The following FBXL19 variants were observed in gnomAD, a reference collection of about 807,000 sequenced individuals.
The protein encoded by FBXL19 is F-box/LRR-repeat protein 19.
FBXL19 carries 16 observed loss-of-function variants against 71.2 expected under a neutral mutation model. That is an observed-to-expected ratio of 0.22 (90% CI 0.15 to 0.34). FBXL19 has a LOEUF of 0.34. Ranked by LOEUF, FBXL19 falls within the 10% of genes least tolerant of loss-of-function variation. The probability of loss-of-function intolerance (pLI) is 1.00; values close to 1 mark genes in which losing one functional copy is unlikely to be tolerated. For synonymous variants in FBXL19, 447 were observed against 409.4 expected, an observed-to-expected ratio of 1.09 and a Z score of -1.11; for missense variants, 658 against 968.2, an observed-to-expected ratio of 0.68 and a Z score of 4.25.
At chr16:30,944,169 C>CTTTTTTTTT (rs761103868) in intron 9 of FBXL19, among the ~76,000 whole-genome samples, 2 of 62,934 alleles carry the variant, frequency 3.2e-5, no homozygotes, top group African/African-American at 6.7e-5. Context: ...GAAGGTGGGC[C>CTTTTTTTTT]TTTTTTTTTT....
rs2143294952 is a variant in FBXL19 at position 30,923,904 on chromosome 16, G to A, written c.-580G>A. Among the ~76,000 whole-genome samples, 1 of 150,732 alleles carries A rather than the reference G, an allele frequency of 6.6e-6. No individual in the cohort carries two copies. The highest frequency in any genetic ancestry group is 1.5e-5 in the Non-Finnish European group (1 of 67,252). ...CGCAGCCGTAGGGCAGGGGGTCGCAGTCCAGGGGCGGGCCCAGGGGAGGGG... is the reference window on the plus strand; with the variant it reads ...CGCAGCCGTAGGGCAGGGGGTCGCAATCCAGGGGCGGGCCCAGGGGAGGGG... On this transcript the variant is annotated 5_prime_UTR_variant, in exon 1 of 11. Coordinates refer to ENST00000338343, the MANE Select transcript of FBXL19 (RefSeq NM_001382779.1).
chr16:30,923,436 G>A (rs981578309), upstream of FBXL19, among the ~76,000 whole-genome samples: 1 of 151,540 alleles, frequency 6.6e-6, no homozygotes, highest in Non-Finnish European at 1.5e-5. Flanking sequence ...CGAGCCCTGC[G>A]TGCGTTCGTC....
chr16:30,925,805 C>A lies in FBXL19; in HGVS notation c.51C>A (p.Thr17=), dbSNP rs1481423043. Residue 17 remains threonine, a synonymous_variant, in exon 2 of 11, where the codon ACC becomes ACA. Transcript: ENST00000338343. This position sits in a 1 kb window ranked among gnomAD's most constrained non-coding sequence, Gnocchi z 5.0. ...GGGCCGGAGCGCGCCGACGCCGAAC[C>A]CGCTGCCGCCGCTGCCGGGCCTGTG... ...GPGAGARRRR[T]RCRRCRACVR... 1 of 1,494,822 alleles carries A rather than the reference C, an allele frequency of 6.7e-7. No homozygotes were observed. The highest frequency in any genetic ancestry group is 8.9e-7 in the Non-Finnish European group (1 of 1,124,896). 92.6% of individuals were successfully genotyped at this position (1,494,822 alleles called of 1,614,324 possible).
intron 7 of FBXL19, among the ~76,000 whole-genome samples, chr16:30,941,586 G>A (rs74015052): frequency 3.9e-5 from 6 of 152,224 alleles, no homozygotes; most frequent in African/African-American, 1.2e-4. Flanking sequence ...CCAGCTGCGG[G>A]CAGCTGGCTG....
chr16:30,931,893 ATTT>A (rs34106190), intron 7 of FBXL19, among the ~76,000 whole-genome samples: 1 of 132,250 alleles, frequency 7.6e-6, no homozygotes, highest in South Asian at 2.4e-4. Context: ...CACCCGGCTA[ATTT>A]TTTTTTTTTT....
At chr16:30,943,167 T>C (rs1745002381) in intron 9 of FBXL19, among the ~76,000 whole-genome samples, 1 of 152,084 alleles carries the variant, frequency 6.6e-6, no homozygotes, top group African/African-American at 2.4e-5. Flanking sequence ...AGATTTGCAG[T>C]CCCCTGAAAT....
chr16:30,937,668 C>T (rs950858365), intron 7 of FBXL19, among the ~76,000 whole-genome samples: 1 of 152,124 alleles, frequency 6.6e-6, no homozygotes, highest in African/African-American at 2.4e-5. Context: ...AGCCGAGCCA[C>T]GAAGGCTCTG....
In FBXL19 at chr16:30,928,543, G is replaced by C. The variant is rs747462560; in HGVS notation, c.704G>C (p.Gly235Ala). Residue 235 changes from glycine (G) to alanine (A), a missense_variant, in exon 6 of 11, where the codon GGC becomes GCC. Transcript: ENST00000338343. ...ACLLRGSDPGGPGLLPPRVLN... is the reference protein window; with the variant it reads ...ACLLRGSDPGAPGLLPPRVLN... The stretch of plus-strand genomic sequence containing the variant: ...CTCCTCCGAGGATCGGACCCAGGCG[G>C]CCCGGGCCTGCTGCCCCCCAGGGTT... The C allele has an allele frequency of 6.2e-7, 1 of 1,607,978 alleles. No homozygotes were observed. Among genetic ancestry groups the C allele is most frequent in the Non-Finnish European group, 8.5e-7 (1 of 1,177,296 alleles).
In FBXL19 at chr16:30,942,306, G is replaced by A. The variant is rs774735316; in HGVS notation, c.1465+27G>A. On this transcript the variant is annotated intron_variant, in intron 8 of 10. Transcript: ENST00000338343. The surrounding 1 kb of genome is among the most constrained non-coding windows in gnomAD (Gnocchi z 5.7). The stretch of plus-strand genomic sequence containing the variant: ...TAGGGTGTGTGGTACGGAGGACAGG[G>A]TGGGGACAGGGACAGGCCTGGGATG... 3 of 1,598,604 alleles carry A rather than the reference G, an allele frequency of 1.9e-6. No homozygotes were observed. The highest frequency in any genetic ancestry group is 2.2e-5 in the South Asian group (2 of 89,166).
chr16:30,945,679 A>G (rs951245259), intron 9 of FBXL19, among the ~76,000 whole-genome samples: 3 of 149,942 alleles, frequency 2.0e-5, no homozygotes, highest in Non-Finnish European at 4.4e-5. Flanking sequence ...AAAAAAAAAA[A>G]AGTAAACTCT....
chr16:30,938,312 C>T lies in FBXL19; in HGVS notation c.1302-3804C>T, dbSNP rs945574977. Among the ~76,000 whole-genome samples the T allele has an allele frequency of 5.9e-5, 9 of 151,874 alleles. No homozygotes were observed. The South Asian group carries it at 1.7e-3, about 28-fold the overall frequency. ...GGAGAATTGCTTGAGCCCAGGGGTT[C>T]AAGACAAGCTTGGGCAACATAGTGA... On this transcript the variant is annotated intron_variant, in intron 7 of 10. Transcript: ENST00000338343.
At position 30,925,115 on chromosome 16, in the gene FBXL19, T is replaced by C. The variant is rs115040527; in HGVS notation, c.-24-616T>C. Among the ~76,000 whole-genome samples the C allele has an allele frequency of 7.8e-3, 1,187 of 152,010 alleles. 15 individuals are homozygous for C. Among genetic ancestry groups the C allele is most frequent in the African/African-American group, 0.027 (1,128 of 41,444 alleles). ...CAGGGCTGTCAGAGCTCTGGGGAGTTAGTGGGCAGAGGAGATCGTTAGGGA... is the reference window on the plus strand; with the variant it reads ...CAGGGCTGTCAGAGCTCTGGGGAGTCAGTGGGCAGAGGAGATCGTTAGGGA... On this transcript the variant is annotated intron_variant, in intron 1 of 10. Coordinates refer to ENST00000338343, the MANE Select transcript of FBXL19 (RefSeq NM_001382779.1). The surrounding 1 kb of genome is among the most constrained non-coding windows in gnomAD (Gnocchi z 5.0).
chr16:30,937,725 C>T (rs1361023964), intron 7 of FBXL19, among the ~76,000 whole-genome samples: 1 of 152,134 alleles, frequency 6.6e-6, no homozygotes, highest in Admixed American at 6.5e-5. Context: ...AACGTGTTGG[C>T]ATCAGACAGC....
intron 6 of FBXL19, among the ~76,000 whole-genome samples, chr16:30,928,937 T>C (rs1369980823): frequency 6.6e-6 from 1 of 152,188 alleles, no homozygotes; most frequent in Non-Finnish European, 1.5e-5. Flanking sequence ...TCCTAGCAGC[T>C]TGTCAGCCAC....
Position 30,925,746 on chromosome 16 carries a change from A to G in FBXL19, c.-9A>G. On this transcript the variant is annotated 5_prime_UTR_variant, in exon 2 of 11. The change abolishes the stop of an existing upstream ORF in the 5' untranslated region. Coordinates refer to ENST00000338343, the MANE Select transcript of FBXL19 (RefSeq NM_001382779.1). This position sits in a 1 kb window ranked among gnomAD's most constrained non-coding sequence, Gnocchi z 5.0. ...CCACCTACAGCCCTCGGCGTTGCTG[A>G]CGCCCCCAATGTCGTCGAGCAGCCG... 1.3e-6 allele frequency: 2 copies of G among 1,488,382 alleles called. No individual in the cohort carries two copies. Among genetic ancestry groups the G allele is most frequent in the South Asian group, 1.3e-5 (1 of 75,990 alleles). 92.2% of individuals were successfully genotyped at this position (1,488,382 alleles called of 1,614,324 possible). A position where few individuals can be genotyped will look rare whatever the true frequency, so the allele number is the denominator to read the frequency against.
chr16:30,925,602 G>C lies in FBXL19; in HGVS notation c.-24-129G>C, dbSNP rs1220626129. 4 of 1,009,080 alleles carry C rather than the reference G, an allele frequency of 4.0e-6. No individual in the cohort carries two copies. Among genetic ancestry groups the C allele is most frequent in the Admixed American group, 4.1e-5 (1 of 24,608 alleles). The allele number at this position is 1,009,080 out of a possible 1,614,324, so 62.5% of individuals were successfully genotyped here. ...GGATTGGCCCCCAGATACACAGAAG[G>C]GGGTGACCTCCTTGTCCCCCTGAGG... On this transcript the variant is annotated intron_variant, in intron 1 of 10. Coordinates refer to ENST00000338343, the MANE Select transcript of FBXL19 (RefSeq NM_001382779.1). This position sits in a 1 kb window ranked among gnomAD's most constrained non-coding sequence, Gnocchi z 5.0.
At chr16:30,932,278 A>G (rs1388360359) in intron 7 of FBXL19, among the ~76,000 whole-genome samples, 1 of 152,188 alleles carries the variant, frequency 6.6e-6, no homozygotes, top group Non-Finnish European at 1.5e-5. Flanking sequence ...CTCAGAATGT[A>G]GATCTGTGCC....
Position 30,925,763 on chromosome 16 carries a change from G to A in FBXL19, c.9G>A (p.Ser3=), listed in dbSNP as rs946818939. The A allele has an allele frequency of 4.3e-5, 64 of 1,483,594 alleles. No individual in the cohort carries two copies. Among genetic ancestry groups the A allele is most frequent in the Non-Finnish European group, 4.7e-5 (53 of 1,122,556 alleles). The allele number at this position is 1,483,594 out of a possible 1,614,324, so 91.9% of individuals were successfully genotyped here. The part of the protein sequence containing the change: MS[S]SSRGPGAGAR... ...CGTTGCTGACGCCCCCAATGTCGTC[G>A]AGCAGCCGGGGGCCGGGGGCCGGAG... Residue 3 remains serine, a synonymous_variant, in exon 2 of 11, where the codon TCG becomes TCA. Transcript: ENST00000338343. This position sits in a 1 kb window ranked among gnomAD's most constrained non-coding sequence, Gnocchi z 5.0.
At position 30,947,592 on chromosome 16, in the gene FBXL19, G is replaced by A; in HGVS notation, c.*362G>A. 1 of 314,112 alleles carries A rather than the reference G, an allele frequency of 3.2e-6. No homozygotes were observed. The allele number at this position is 314,112 out of a possible 1,614,324, so 19.5% of individuals were successfully genotyped here. Reference sequence around the variant, plus strand: ...CACACACAGGATATGGGAGCCAGGGGCTGGGGGAGGTGGAAGGGGCGGGGG... The same window carrying A: ...CACACACAGGATATGGGAGCCAGGGACTGGGGGAGGTGGAAGGGGCGGGGG... On this transcript the variant is annotated 3_prime_UTR_variant, in exon 11 of 11. Transcript: ENST00000338343.
Sources: gnomAD v4.1 joint callset for allele counts (sites outside exome capture counted in the v4.1 genomes callset) on GRCh38, gnomAD v4.1.1 for gene constraint, Gnocchi (gnomAD v3.1) non-coding constraint, MANE v1.5 for transcripts, NCBI Gene and HGNC (gene_info 2026-07-23, HGNC 2026-07-21) for gene names.